The following CAMTA1 variants were observed in gnomAD, a reference collection of about 807,000 sequenced individuals.
CAMTA1 encodes the protein calmodulin-binding transcription activator 1.
CAMTA1 carries 27 observed loss-of-function variants against 170.9 expected under a neutral mutation model. The ratio of observed to expected loss-of-function variants is 0.16; its 90% CI spans 0.12 to 0.22. The LOEUF is 0.22. Ranked by LOEUF, CAMTA1 falls within the 10% of genes least tolerant of loss-of-function variation. The probability of loss-of-function intolerance (pLI) is 1.00; values close to 1 mark genes in which losing one functional copy is unlikely to be tolerated. For synonymous variants in CAMTA1, 833 were observed against 891.5 expected (o/e 0.93, Z 1.17); for missense variants, 1,619 against 2,217.2 (o/e 0.73, Z 5.42).
intron 4 of CAMTA1, among the ~76,000 whole-genome samples, chr1:7,231,849 G>A: frequency 6.6e-6 from 1 of 152,206 alleles, no homozygotes; most frequent in South Asian, 2.1e-4. Flanking sequence ...GATTGTGCAG[G>A]TTAAAGGAAA....
chr1:7,082,455 A>AGATG (rs1300476370), intron 3 of CAMTA1, among the ~76,000 whole-genome samples: 1 of 151,460 alleles, frequency 6.6e-6, no homozygotes, highest in African/African-American at 2.4e-5. Context: ...ATAGATAGAT[A>AGATG]GATAGATAGA....
At chr1:7,169,512 G>A (rs1453342499) in intron 4 of CAMTA1, among the ~76,000 whole-genome samples, 2 of 151,952 alleles carry the variant, frequency 1.3e-5, no homozygotes, top group African/African-American at 4.8e-5. Flanking sequence ...ATTTCATTTA[G>A]ACTTTTTTTT....
At chr1:7,713,765 G>A (rs992817885) in intron 11 of CAMTA1, among the ~76,000 whole-genome samples, 7 of 152,150 alleles carry the variant, frequency 4.6e-5, no homozygotes, top group African/African-American at 1.2e-4. Flanking sequence ...TTATATGTAC[G>A]TATGTTTCTA....
intron 5 of CAMTA1, among the ~76,000 whole-genome samples, chr1:7,295,937 G>T (rs559219826): frequency 4.6e-5 from 7 of 152,330 alleles, no homozygotes; most frequent in African/African-American, 1.7e-4. Flanking sequence ...CTCCCACTCA[G>T]GGCTCCTTAC....
At chr1:7,602,943 G>A (rs1397798742) in intron 6 of CAMTA1, among the ~76,000 whole-genome samples, 1 of 152,206 alleles carries the variant, frequency 6.6e-6, no homozygotes, top group African/African-American at 2.4e-5. Context: ...AGGTTGTTCA[G>A]TTTCCATGTA....
chr1:7,747,721 G>A lies in CAMTA1; in HGVS notation c.4629G>A (p.Leu1543=). 6.2e-7 allele frequency: 1 copy of A among 1,609,872 alleles called. No homozygotes were observed. Among genetic ancestry groups the A allele is most frequent in the South Asian group, 1.1e-5 (1 of 90,346 alleles). Residue 1543 remains leucine (L), a synonymous_variant, in exon 19 of 23, where the codon TTG becomes TTA. Coordinates refer to ENST00000303635, the MANE Select transcript of CAMTA1 (RefSeq NM_015215.4). ...TAFRKYKGRP[L]REQQEVAAAV... is the part of the protein sequence containing the mutation. ...ACTTTACCCTTAAGGGCCGACCCTTGCGGGAACAGCAAGAAGTAGCTGCTG... is the reference window on the plus strand; with the variant it reads ...ACTTTACCCTTAAGGGCCGACCCTTACGGGAACAGCAAGAAGTAGCTGCTG...
chr1:7,405,069 G>T (rs1244643655), intron 5 of CAMTA1, among the ~76,000 whole-genome samples: 1 of 152,056 alleles, frequency 6.6e-6, no homozygotes, highest in African/African-American at 2.4e-5. Flanking sequence ...GCAGGTAAGA[G>T]GTGAGCCATG....
Position 7,463,339 on chromosome 1 carries a change from GGAGAGACA to G in CAMTA1, c.439-4478_439-4471del, listed in dbSNP as rs1305660635. 6.6e-6 allele frequency among the ~76,000 whole-genome samples: 1 copy of G among 152,050 alleles called. No individual in the cohort carries two copies. The highest frequency in any genetic ancestry group is 1.5e-5 in the Non-Finnish European group (1 of 68,002). On this transcript the variant is annotated intron_variant, in intron 5 of 22. Coordinates refer to ENST00000303635, the MANE Select transcript of CAMTA1 (RefSeq NM_015215.4). The surrounding 1 kb of genome is among the most constrained non-coding windows in gnomAD (Gnocchi z 4.7). Reference sequence around the variant, plus strand: ...GGACAGGCAAGGGAAACAGAGACAGGGAGAGACAGAGAGACAGAGAAAGATGGAGAGAG... The same window carrying G: ...GGACAGGCAAGGGAAACAGAGACAGGGAGAGACAGAGAAAGATGGAGAGAG...
intron 22 of CAMTA1, among the ~76,000 whole-genome samples, chr1:7,758,485 T>C (rs952685922): frequency 3.9e-5 from 6 of 152,176 alleles, no homozygotes; most frequent in African/African-American, 1.4e-4. Flanking sequence ...TATATATGGC[T>C]TTGTATGATT....
At chr1:7,470,078 G>T (rs913138689) in intron 6 of CAMTA1, among the ~76,000 whole-genome samples, 1 of 152,196 alleles carries the variant, frequency 6.6e-6, no homozygotes, top group Admixed American at 6.5e-5. Flanking sequence ...CCGAGCTGGG[G>T]CCTCTTCATC....
At chr1:7,425,479 G>A (rs2091828246) in intron 5 of CAMTA1, among the ~76,000 whole-genome samples, 1 of 152,156 alleles carries the variant, frequency 6.6e-6, no homozygotes, top group Non-Finnish European at 1.5e-5. Context: ...GAGTTTGTCT[G>A]GGGTGGACGC....
At chr1:6,959,520 C>G (rs74813748) in intron 3 of CAMTA1, among the ~76,000 whole-genome samples, 2,260 of 152,240 alleles carry the variant, frequency 0.015, 29 homozygotes, top group East Asian at 0.036. Context: ...GATGGTGGGG[C>G]CGCAAGTGCC....
At chr1:7,158,830 A>T (rs139529917) in intron 4 of CAMTA1, among the ~76,000 whole-genome samples, 2,083 of 152,258 alleles carry the variant, frequency 0.014, 41 homozygotes, top group African/African-American at 0.047. Context: ...GTAAAACTAG[A>T]TTCTTAAAAA....
intron 3 of CAMTA1, among the ~76,000 whole-genome samples, chr1:7,012,775 C>A (rs1699992549): frequency 6.6e-6 from 1 of 152,212 alleles, no homozygotes; most frequent in African/African-American, 2.4e-5. Flanking sequence ...TGCTCCTGGG[C>A]TCTGTCCTTG....
intron 3 of CAMTA1, among the ~76,000 whole-genome samples, chr1:7,072,810 G>A (rs1162472935): frequency 6.6e-6 from 1 of 152,238 alleles, no homozygotes; most frequent in Non-Finnish European, 1.5e-5. Flanking sequence ...GAAGCCCTGG[G>A]GCAGGAGCCT....
chr1:7,009,214 G>T (rs751450017), intron 3 of CAMTA1, among the ~76,000 whole-genome samples: 15 of 152,262 alleles, frequency 9.9e-5, no homozygotes, highest in Non-Finnish European at 2.2e-4. Context: ...TCCTGGGGCT[G>T]TCAGCTCCAA....
intron 6 of CAMTA1, among the ~76,000 whole-genome samples, chr1:7,573,209 A>G (rs2095145900): frequency 6.6e-6 from 1 of 152,172 alleles, no homozygotes. Context: ...CTTAACCCTC[A>G]GAGTGCCAGG....
chr1:6,974,143 G>C (rs111232188), intron 3 of CAMTA1, among the ~76,000 whole-genome samples: 1,617 of 144,956 alleles, frequency 0.011, 15 homozygotes, highest in South Asian at 0.037. Context: ...GCTCTGGTTT[G>C]TAATATATTG....
chr1:7,678,158 G>T (rs1197923604), intron 11 of CAMTA1, among the ~76,000 whole-genome samples: 1 of 152,200 alleles, frequency 6.6e-6, no homozygotes, highest in Non-Finnish European at 1.5e-5. Flanking sequence ...AGAGGCCATC[G>T]CCAAGCCCCA....
Sources: gnomAD v4.1 joint callset for allele counts (sites outside exome capture counted in the v4.1 genomes callset) on GRCh38, gnomAD v4.1.1 for gene constraint, Gnocchi (gnomAD v3.1) non-coding constraint, MANE v1.5 for transcripts, NCBI Gene and HGNC (gene_info 2026-07-23, HGNC 2026-07-21) for gene names.